PAQR5: variants seen among roughly 807,000 people sequenced by gnomAD.
PAQR5 encodes the protein membrane progestin receptor gamma.
Under a neutral mutation model 34.5 loss-of-function variants are expected in PAQR5, and 20 were observed. The observed-to-expected ratio is 0.58, with a 90% CI of 0.41 to 0.84. The LOEUF is 0.84. Among genes scored for constraint, PAQR5 ranks in the 40% least tolerant of loss-of-function variants. The pLI is 0.00. For synonymous variants in PAQR5, 131 were observed against 155.6 expected, an observed-to-expected ratio of 0.84 and a Z score of 1.18; for missense variants, 378 against 412.7, an observed-to-expected ratio of 0.92 and a Z score of 0.73.
intron 6 of PAQR5, among the ~76,000 whole-genome samples, chr15:69,390,352 A>ATTTTTTTTT (rs1270003563): frequency 1.6e-5 from 2 of 128,178 alleles, no homozygotes; most frequent in Non-Finnish European, 1.7e-5. Context: ...TTATTTATTT[A>ATTTTTTTTT]TTTATTTATT....
At chr15:69,304,181 C>A (rs1193109370) in intron 1 of PAQR5, among the ~76,000 whole-genome samples, 1 of 152,206 alleles carries the variant, frequency 6.6e-6, no homozygotes, top group Non-Finnish European at 1.5e-5. Context: ...CCCCAACCAC[C>A]TTCGATGGGC....
rs202114992 is a variant in PAQR5 at position 69,379,928 on chromosome 15, A to T, written c.97A>T (p.Ser33Cys). ...CCTGTTCGGCTACCGCCATCCACAG[A>T]GTTCTGCCACTGCCTGCATCCTCAG... is the stretch of plus-strand genomic sequence containing the variant. ...GILFGYRHPQ[S>C]SATACILSLF... Residue 33 changes from serine (S) to cysteine (C), a missense_variant, in exon 4 of 9, where the codon AGT (serine) becomes TGT (cysteine). Transcript: ENST00000395407. The T allele has an allele frequency of 3.1e-6, 5 of 1,614,046 alleles. No homozygotes were observed. Among genetic ancestry groups the T allele is most frequent in the Non-Finnish European group, 3.4e-6 (4 of 1,180,006 alleles).
At chr15:69,388,109 C>T (rs1166657952) in intron 5 of PAQR5, among the ~76,000 whole-genome samples, 1 of 152,094 alleles carries the variant, frequency 6.6e-6, no homozygotes. Flanking sequence ...ATCTGGGACT[C>T]CCGGCTCCAC....
chr15:69,314,742 G>A (rs1449113439), intron 1 of PAQR5: 1 of 152,388 alleles, frequency 6.6e-6, no homozygotes, highest in African/African-American at 2.4e-5. Flanking sequence ...ACCCCGCATT[G>A]TCCCAAGGCC....
At chr15:69,374,539 T>C (rs762031748) in intron 3 of PAQR5, among the ~76,000 whole-genome samples, 1 of 152,110 alleles carries the variant, frequency 6.6e-6, no homozygotes, top group Non-Finnish European at 1.5e-5. Flanking sequence ...TAGCTGGGCA[T>C]AGTGGCATGT....
chr15:69,393,227 C>T (rs1027042893), intron 6 of PAQR5, among the ~76,000 whole-genome samples: 3 of 152,096 alleles, frequency 2.0e-5, no homozygotes, highest in African/African-American at 7.2e-5. Context: ...TCCACGTTCC[C>T]TGACCCATGG....
Position 69,373,322 on chromosome 15 carries a change from G to A in PAQR5, c.52-6561G>A, listed in dbSNP as rs912317457. Among the ~76,000 whole-genome samples, 27 of 152,050 alleles carry A rather than the reference G, an allele frequency of 1.8e-4. 1 individual carries two copies. Among genetic ancestry groups the A allele is most frequent in the African/African-American group, 6.3e-4 (26 of 41,428 alleles). On this transcript the variant is annotated intron_variant, in intron 3 of 8. Coordinates refer to ENST00000395407, the MANE Select transcript of PAQR5 (RefSeq NM_017705.4). ...TCACTGGTTCTGGCAATTAGGATGT[G>A]AACATTTTTGGGGAGCCATTATTCT...
chr15:69,392,076 T>A (rs924085071), intron 6 of PAQR5: 3 of 250,824 alleles, frequency 1.2e-5, no homozygotes, highest in African/African-American at 6.9e-5. Flanking sequence ...CCAGAGTGAA[T>A]GATCCAAGAT....
chr15:69,390,345 TTTATTTA>T (rs1595932192), intron 6 of PAQR5, among the ~76,000 whole-genome samples: 5 of 93,908 alleles, frequency 5.3e-5, no homozygotes, highest in African/African-American at 9.6e-5. Context: ...TATTTATTTA[TTTATTTA>T]TTTATTTATT....
At position 69,379,903 on chromosome 15, in the gene PAQR5, C is replaced by T; in HGVS notation, c.72C>T (p.Ile24=). ...TGCAGGTGTTCCATGAGCAAGGCAT[C>T]CTGTTCGGCTACCGCCATCCACAGA... The part of the protein sequence containing the change: ...QIPQVFHEQG[I]LFGYRHPQSS... Residue 24 remains isoleucine (I), a synonymous_variant, in exon 4 of 9, where the codon ATC becomes ATT. Transcript: ENST00000395407. 6.2e-7 allele frequency: 1 copy of T among 1,614,094 alleles called. No individual in the cohort carries two copies. Among genetic ancestry groups the T allele is most frequent in the Non-Finnish European group, 8.5e-7 (1 of 1,180,014 alleles).
intron 3 of PAQR5, among the ~76,000 whole-genome samples, chr15:69,373,460 AC>A (rs1204257840): frequency 6.6e-6 from 1 of 152,188 alleles, no homozygotes; most frequent in African/African-American, 2.4e-5. Context: ...TAAATCAAAG[AC>A]TGCATTTTTA....
chr15:69,397,598 G>T, intron 7 of PAQR5, 34 bp downstream of exon 7: 1 of 1,335,206 alleles, frequency 7.5e-7, no homozygotes, highest in South Asian at 1.2e-5. Context: ...TCTGCCTGTT[G>T]GCAACACCAG....
intron 3 of PAQR5, among the ~76,000 whole-genome samples, chr15:69,370,582 C>T (rs908928773): frequency 2.0e-5 from 3 of 152,096 alleles, no homozygotes; most frequent in Non-Finnish European, 4.4e-5. Flanking sequence ...TGGAATGGCG[C>T]GATCTTGGCT....
chr15:69,377,963 G>C (rs1329442977), intron 3 of PAQR5, among the ~76,000 whole-genome samples: 2 of 151,880 alleles, frequency 1.3e-5, no homozygotes, highest in African/African-American at 4.8e-5. Context: ...CCCTGTCTCT[G>C]CAAAAAATAA....
At chr15:69,313,517 C>T (rs941150403) in intron 1 of PAQR5, among the ~76,000 whole-genome samples, 14 of 151,956 alleles carry the variant, frequency 9.2e-5, no homozygotes, top group Middle Eastern at 3.4e-3. Context: ...GCGGCAACAA[C>T]AACCAAATAA....
chr15:69,330,912 CCTG>C (rs1477848991), intron 1 of PAQR5, among the ~76,000 whole-genome samples: 1 of 152,152 alleles, frequency 6.6e-6, no homozygotes, highest in Non-Finnish European at 1.5e-5. Flanking sequence ...CTTGTGGCTA[CCTG>C]CCCATGGTTC....
At chr15:69,312,661 C>T (rs1187704430) in intron 1 of PAQR5, among the ~76,000 whole-genome samples, 1 of 151,596 alleles carries the variant, frequency 6.6e-6, no homozygotes, top group African/African-American at 2.4e-5. Context: ...ATCAGCTGCC[C>T]ATACCTGGTG....
intron 1 of PAQR5, among the ~76,000 whole-genome samples, chr15:69,312,207 TAG>T (rs1315120765): frequency 6.6e-6 from 1 of 152,120 alleles, no homozygotes; most frequent in Non-Finnish European, 1.5e-5. Context: ...TGATGTTGTA[TAG>T]AGGAGGCAGG....
chr15:69,318,828 G>A (rs7179475), intron 1 of PAQR5, among the ~76,000 whole-genome samples: 85,158 of 150,610 alleles, frequency 0.57, 24,828 homozygotes, highest in Middle Eastern at 0.68. Context: ...ATTATAATAT[G>A]TTATAATAAA....
Sources: gnomAD v4.1 joint callset for allele counts (sites outside exome capture counted in the v4.1 genomes callset) on GRCh38, gnomAD v4.1.1 for gene constraint, MANE v1.5 for transcripts, NCBI Gene and HGNC (gene_info 2026-07-23, HGNC 2026-07-21) for gene names.